Variants in CSNK1G1 observed in about 807,000 individuals in gnomAD.
CSNK1G1 encodes casein kinase I isoform gamma-1.
Under a neutral mutation model 59.6 loss-of-function variants are expected in CSNK1G1, and 22 were observed. The ratio of observed to expected loss-of-function variants is 0.37; its 90% CI spans 0.26 to 0.53. The LOEUF (loss-of-function observed/expected upper bound fraction) is 0.53, where lower values mean the gene tolerates loss of function less well. CSNK1G1 is among the 20% of genes least tolerant of loss of function. The pLI, the probability that CSNK1G1 is intolerant of heterozygous loss-of-function variation, is 0.89. For missense variants in CSNK1G1, 384 were observed against 519.5 expected, an observed-to-expected ratio of 0.74 and a Z score of 2.54; for synonymous variants, 179 against 177.1, an observed-to-expected ratio of 1.01 and a Z score of -0.08.
At chr15:64,354,722 G>A (rs1296607868) in intron 1 of CSNK1G1, among the ~76,000 whole-genome samples, 1 of 151,970 alleles carries the variant, frequency 6.6e-6, no homozygotes, top group Non-Finnish European at 1.5e-5. Flanking sequence ...ATTCAAAGGT[G>A]GTTCCGTTTA....
chr15:64,203,517 G>C (rs918344900), intron 9 of CSNK1G1, among the ~76,000 whole-genome samples: 1 of 151,758 alleles, frequency 6.6e-6, no homozygotes, highest in Non-Finnish European at 1.5e-5. Flanking sequence ...GAGCAACATG[G>C]AGAAATCCCA....
chr15:64,176,552 G>A lies in CSNK1G1; in HGVS notation c.1214+3796C>T, dbSNP rs2081744214. On this transcript the variant is annotated intron_variant, in intron 11 of 11. Coordinates refer to ENST00000303052, the MANE Select transcript of CSNK1G1 (RefSeq NM_022048.5). This position sits in a 1 kb window ranked among gnomAD's most constrained non-coding sequence, Gnocchi z 5.2. ...GGGGTAAGGCAAAACAGAAAGAGTT[G>A]GTAGGAGCTCCAGGGTGGGCTTTCC... is the stretch of plus-strand genomic sequence containing the variant. Among the ~76,000 whole-genome samples, 1 of 152,154 alleles carries A rather than the reference G, an allele frequency of 6.6e-6. No homozygotes were observed. Among genetic ancestry groups the A allele is most frequent in the Non-Finnish European group, 1.5e-5 (1 of 68,028 alleles).
chr15:64,268,646 T>C (rs1893111255), intron 2 of CSNK1G1, among the ~76,000 whole-genome samples: 2 of 152,232 alleles, frequency 1.3e-5, no homozygotes, highest in Non-Finnish European at 2.9e-5. Context: ...CAGTATTTCA[T>C]TTTTTATTCT....
At chr15:64,280,963 T>C (rs1262359965) in intron 2 of CSNK1G1, among the ~76,000 whole-genome samples, 1 of 152,090 alleles carries the variant, frequency 6.6e-6, no homozygotes, top group Non-Finnish European at 1.5e-5. Flanking sequence ...CACTGTAAGC[T>C]CCGCCTCCTG....
chr15:64,204,412 T>TTA, intron 9 of CSNK1G1, 29 bp downstream of exon 9: 1 of 1,397,432 alleles, frequency 7.2e-7, no homozygotes, highest in South Asian at 1.5e-5. Flanking sequence ...GTAATGAGGT[T>TTA]AAAAAAAAAA....
At chr15:64,343,235 A>ACACACACACACACACACACC (rs1375118135) in intron 1 of CSNK1G1, among the ~76,000 whole-genome samples, 2 of 150,478 alleles carry the variant, frequency 1.3e-5, no homozygotes, top group Non-Finnish European at 3.0e-5. Flanking sequence ...ACACACACAC[A>ACACACACACACACACACACC]CCTCTTCTAA....
intron 1 of CSNK1G1, among the ~76,000 whole-genome samples, chr15:64,302,258 C>A (rs540926429): frequency 6.6e-6 from 1 of 152,026 alleles, no homozygotes; most frequent in African/African-American, 2.4e-5. Flanking sequence ...TGCTACCACA[C>A]CCAGCTAATT....
intron 6 of CSNK1G1, among the ~76,000 whole-genome samples, chr15:64,212,898 C>T (rs1315636476): frequency 6.6e-6 from 1 of 151,400 alleles, no homozygotes; most frequent in Non-Finnish European, 1.5e-5. Flanking sequence ...CCCAGCTACT[C>T]GGGAGGCTGA....
intron 11 of CSNK1G1, among the ~76,000 whole-genome samples, chr15:64,174,826 A>C (rs1337492083): frequency 6.6e-6 from 1 of 152,072 alleles, no homozygotes. Flanking sequence ...ACTTAACTCA[A>C]GTCCTACAGT....
rs1395487144 is a variant in CSNK1G1 at position 64,216,880 on chromosome 15, T to C, written c.293-167A>G. The stretch of plus-strand genomic sequence containing the variant: ...CTCAAACTGAGCACAACAGCTTCAA[T>C]GGGAACTAATAATGATGGGAAAGGC... On this transcript the variant is annotated intron_variant, in intron 4 of 11. Coordinates refer to ENST00000303052, the MANE Select transcript of CSNK1G1 (RefSeq NM_022048.5). The surrounding 1 kb of genome is among the most constrained non-coding windows in gnomAD (Gnocchi z 4.6). 3.3e-5 allele frequency among the ~76,000 whole-genome samples: 5 copies of C among 152,348 alleles called. No homozygotes were observed. The South Asian group carries it at 6.2e-4, about 19-fold the overall frequency.
At chr15:64,316,980 C>A (rs1896305902) in intron 1 of CSNK1G1, 1 of 152,196 alleles carries the variant, frequency 6.6e-6, no homozygotes, top group African/African-American at 2.4e-5. Flanking sequence ...TTTGCTGATG[C>A]TCCCGGCCGA....
intron 4 of CSNK1G1, among the ~76,000 whole-genome samples, chr15:64,249,365 T>C (rs1891946152): frequency 6.6e-6 from 1 of 152,186 alleles, no homozygotes; most frequent in African/African-American, 2.4e-5. Context: ...CTTGGAAAAG[T>C]CTGCAGCTAC....
intron 6 of CSNK1G1, among the ~76,000 whole-genome samples, chr15:64,213,399 T>C (rs940082093): frequency 3.3e-5 from 5 of 152,154 alleles, no homozygotes; most frequent in East Asian, 1.9e-4. Flanking sequence ...CCTGAGTAAA[T>C]TGCAAGACTA....
intron 4 of CSNK1G1, among the ~76,000 whole-genome samples, chr15:64,238,744 C>T (rs1220931322): frequency 6.6e-6 from 1 of 151,426 alleles, no homozygotes; most frequent in Non-Finnish European, 1.5e-5. Context: ...CCCATTTTTT[C>T]CCTGGAGTTG....
At chr15:64,179,362 C>T (rs1015123924) in intron 11 of CSNK1G1, among the ~76,000 whole-genome samples, 1 of 151,732 alleles carries the variant, frequency 6.6e-6, no homozygotes, top group Non-Finnish European at 1.5e-5. Flanking sequence ...ATCTCACTAA[C>T]TTACATTTAG....
At chr15:64,292,193 G>A (rs1258889221) in intron 2 of CSNK1G1, among the ~76,000 whole-genome samples, 1 of 148,160 alleles carries the variant, frequency 6.7e-6, no homozygotes, top group Non-Finnish European at 1.5e-5. Context: ...CTGGGCGACA[G>A]AGCGAGACTC....
At chr15:64,269,618 C>G (rs191870279) in intron 2 of CSNK1G1, among the ~76,000 whole-genome samples, 3 of 151,686 alleles carry the variant, frequency 2.0e-5, no homozygotes, top group Non-Finnish European at 4.4e-5. Flanking sequence ...CTCAGCCTCC[C>G]GAGTAGGTGG....
At chr15:64,322,160 G>A (rs1802979729) in intron 1 of CSNK1G1, among the ~76,000 whole-genome samples, 2 of 151,782 alleles carry the variant, frequency 1.3e-5, no homozygotes. Context: ...TCCTCTCATG[G>A]AGCATAAAGT....
intron 4 of CSNK1G1, among the ~76,000 whole-genome samples, chr15:64,249,755 T>C (rs1363265069): frequency 1.3e-5 from 2 of 152,212 alleles, no homozygotes; most frequent in Non-Finnish European, 2.9e-5. Flanking sequence ...GCACAGAGAA[T>C]GCTGAAACTT....
Sources: gnomAD v4.1 joint callset for allele counts (sites outside exome capture counted in the v4.1 genomes callset) on GRCh38, gnomAD v4.1.1 for gene constraint, Gnocchi (gnomAD v3.1) non-coding constraint, MANE v1.5 for transcripts, NCBI Gene and HGNC (gene_info 2026-07-23, HGNC 2026-07-21) for gene names.